The following OPCML variants were observed in gnomAD, a reference collection of about 807,000 sequenced individuals.
OPCML encodes opioid binding protein/cell adhesion molecule like.
OPCML carries 13 observed loss-of-function variants against 37.8 expected under a neutral mutation model. The ratio of observed to expected loss-of-function variants is 0.34; its 90% CI spans 0.22 to 0.55. The LOEUF is 0.55. Among genes scored for constraint, OPCML ranks in the 20% least tolerant of loss-of-function variants. The probability of loss-of-function intolerance (pLI) is 0.91; values close to 1 mark genes in which losing one functional copy is unlikely to be tolerated. For missense variants in OPCML, 341 were observed against 435.6 expected, an observed-to-expected ratio of 0.78 and a Z score of 1.93; for synonymous variants, 176 against 168.8, an observed-to-expected ratio of 1.04 and a Z score of -0.33.
At chr11:133,399,699 C>A (rs1361439321) in intron 1 of OPCML, among the ~76,000 whole-genome samples, 1 of 152,136 alleles carries the variant, frequency 6.6e-6, no homozygotes, top group African/African-American at 2.4e-5. Context: ...AATTTAATTT[C>A]TCAAGAGAAC....
intron 1 of OPCML, among the ~76,000 whole-genome samples, chr11:133,122,628 G>A (rs1949439521): frequency 6.6e-6 from 1 of 152,066 alleles, no homozygotes; most frequent in Admixed American, 6.6e-5. Context: ...AGAGCCACCT[G>A]GGCACCTTTT....
At chr11:132,435,185 T>C in intron 7 of OPCML, 4 of 1,289,430 alleles carry the variant, frequency 3.1e-6, no homozygotes, top group Non-Finnish European at 4.0e-6. Flanking sequence ...GGGGCTTATT[T>C]CTAAGACACA....
intron 1 of OPCML, among the ~76,000 whole-genome samples, chr11:133,434,677 G>C (rs890125198): frequency 6.6e-6 from 1 of 151,328 alleles, no homozygotes; most frequent in Non-Finnish European, 1.5e-5. Context: ...TCTTCCAATG[G>C]GAGGGGGAAA....
intron 2 of OPCML, among the ~76,000 whole-genome samples, chr11:132,913,360 T>C (rs1428509903): frequency 6.6e-6 from 1 of 152,248 alleles, no homozygotes; most frequent in Non-Finnish European, 1.5e-5. Context: ...AATTAACTAG[T>C]ATTTAATTAC....
intron 1 of OPCML, among the ~76,000 whole-genome samples, chr11:133,187,923 A>C (rs1023393516): frequency 2.0e-5 from 3 of 152,196 alleles, no homozygotes; most frequent in African/African-American, 7.2e-5. Flanking sequence ...CACAGCTAAC[A>C]CATGGTGGAG....
rs537844115 is a variant in OPCML at position 132,928,431 on chromosome 11, A to C, written c.146+14495T>G. Among the ~76,000 whole-genome samples the C allele has an allele frequency of 2.6e-5, 4 of 152,180 alleles. No homozygotes were observed. In the East Asian group the frequency reaches 7.7e-4, roughly 29 times the overall value. The stretch of plus-strand genomic sequence containing the variant: ...GCCAATTTACCAACAAGATACAAAA[A>C]AATAAACATATATACTAAATAGCAG... On this transcript the variant is annotated intron_variant, in intron 2 of 7. Transcript: ENST00000524381.
chr11:132,901,122 G>A (rs1944045835), intron 2 of OPCML, among the ~76,000 whole-genome samples: 1 of 152,068 alleles, frequency 6.6e-6, no homozygotes, highest in African/African-American at 2.4e-5. Flanking sequence ...GGAGGTTACA[G>A]GGAGCCACCA....
At chr11:133,030,767 T>G (rs1476778527) in intron 1 of OPCML, among the ~76,000 whole-genome samples, 3 of 152,162 alleles carry the variant, frequency 2.0e-5, no homozygotes, top group African/African-American at 7.2e-5. Flanking sequence ...CTGGTTCTCC[T>G]AAAAAGCCAT....
At chr11:132,586,857 T>C (rs968548069) in intron 3 of OPCML, among the ~76,000 whole-genome samples, 4 of 152,116 alleles carry the variant, frequency 2.6e-5, no homozygotes, top group African/African-American at 9.7e-5. Context: ...TCTAAGACAG[T>C]CTCTCAAAAA....
At chr11:133,242,764 C>T (rs1017019664) in intron 1 of OPCML, among the ~76,000 whole-genome samples, 2 of 152,170 alleles carry the variant, frequency 1.3e-5, no homozygotes, top group Admixed American at 1.3e-4. Flanking sequence ...TAACAGGATT[C>T]CTGCTGCACT....
intron 3 of OPCML, among the ~76,000 whole-genome samples, chr11:132,642,936 C>G (rs1478087042): frequency 6.6e-6 from 1 of 152,092 alleles, no homozygotes; most frequent in Non-Finnish European, 1.5e-5. Flanking sequence ...GAATATACCT[C>G]AAAATTAGAG....
intron 2 of OPCML, among the ~76,000 whole-genome samples, chr11:132,851,333 T>C (rs925269697): frequency 3.3e-5 from 5 of 152,190 alleles, no homozygotes; most frequent in African/African-American, 1.2e-4. Flanking sequence ...TTTAATACAA[T>C]TAATTTTCTT....
At chr11:132,735,673 C>T (rs181081085) in intron 2 of OPCML, among the ~76,000 whole-genome samples, 67 of 152,132 alleles carry the variant, frequency 4.4e-4, no homozygotes, top group Middle Eastern at 6.8e-3. Flanking sequence ...TTAGTAGAGA[C>T]GCGGTTTCAC....
intron 1 of OPCML, among the ~76,000 whole-genome samples, chr11:133,275,670 C>T (rs1941972668): frequency 6.6e-6 from 1 of 152,170 alleles, no homozygotes; most frequent in Admixed American, 6.5e-5. Context: ...AAAATATTAA[C>T]CTCTCTCTGC....
chr11:133,106,378 T>C (rs1297408999), intron 1 of OPCML, among the ~76,000 whole-genome samples: 2 of 152,198 alleles, frequency 1.3e-5, no homozygotes, highest in African/African-American at 4.8e-5. Context: ...TGGAAATACA[T>C]AACGCAGACT....
At chr11:132,785,208 T>C (rs1408109586) in intron 2 of OPCML, among the ~76,000 whole-genome samples, 1 of 152,158 alleles carries the variant, frequency 6.6e-6, no homozygotes, top group Non-Finnish European at 1.5e-5. Context: ...AACAATAAAC[T>C]CACTATGTGA....
intron 1 of OPCML, among the ~76,000 whole-genome samples, chr11:133,309,567 C>T (rs140214526): frequency 6.6e-6 from 1 of 152,286 alleles, no homozygotes; most frequent in African/African-American, 2.4e-5. Flanking sequence ...CAGAACTGAA[C>T]ATGGCATTTA....
chr11:132,609,385 C>G (rs550358246), intron 3 of OPCML, among the ~76,000 whole-genome samples: 2 of 152,164 alleles, frequency 1.3e-5, no homozygotes, highest in Non-Finnish European at 2.9e-5. Context: ...TTCTTTCCAC[C>G]AGGCCTCACT....
intron 1 of OPCML, among the ~76,000 whole-genome samples, chr11:133,194,869 T>C (rs550148723): frequency 6.6e-6 from 1 of 152,330 alleles, no homozygotes; most frequent in East Asian, 1.9e-4. Flanking sequence ...TGTGGTTTTG[T>C]TCAGCTGGCT....
Sources: gnomAD v4.1 joint callset for allele counts (sites outside exome capture counted in the v4.1 genomes callset) on GRCh38, gnomAD v4.1.1 for gene constraint, MANE v1.5 for transcripts, NCBI Gene and HGNC (gene_info 2026-07-23, HGNC 2026-07-21) for gene names.